Variants in ICA1L observed in about 807,000 individuals in gnomAD.
The protein encoded by ICA1L is islet cell autoantigen 1-like protein.
A neutral mutation model predicts 61.3 loss-of-function variants in ICA1L; 50 were observed. The observed-to-expected ratio is 0.82, with a 90% CI of 0.65 to 1.03. The LOEUF is 1.03. Among genes scored for constraint, ICA1L ranks in the 50% least tolerant of loss-of-function variants. ICA1L has a pLI of 0.00. For synonymous variants in ICA1L, 161 were observed against 191.3 expected, an observed-to-expected ratio of 0.84 and a Z score of 1.31; for missense variants, 508 against 556.7, an observed-to-expected ratio of 0.91 and a Z score of 0.88.
At position 202,852,800 on chromosome 2, in the gene ICA1L, T is replaced by G. The variant is rs535675018; in HGVS notation, c.-8+18819A>C. 1.1e-4 allele frequency among the ~76,000 whole-genome samples: 16 copies of G among 151,096 alleles called. No homozygotes were observed. The East Asian group carries it at 3.2e-3, about 30-fold the overall frequency. On this transcript the variant is annotated intron_variant, in intron 1 of 12. Coordinates refer to ENST00000358299, the MANE Select transcript of ICA1L (RefSeq NM_001288622.3). Reference sequence around the variant, plus strand: ...GATGGTATCTCATTGTGGTTTTCATTTGCATTTCTCTGATGGCCAGTGATG... The same window carrying G: ...GATGGTATCTCATTGTGGTTTTCATGTGCATTTCTCTGATGGCCAGTGATG...
At position 202,777,842 on chromosome 2, in the gene ICA1L, A is replaced by G. The variant is rs1692272187; in HGVS notation, c.*1691T>C. 6.6e-6 allele frequency: 1 copy of G among 151,136 alleles called. No individual in the cohort carries two copies. The highest frequency in any genetic ancestry group is 1.5e-5 in the Non-Finnish European group (1 of 67,936). 9.4% of individuals were successfully genotyped at this position (151,136 alleles called of 1,614,324 possible). On this transcript the variant is annotated 3_prime_UTR_variant, in exon 13 of 13. Transcript: ENST00000358299. ...CTGTTTAGAATAGAACTAAGAGCAC[A>G]TGGAAGCTACTGTGAATAACTTAGT...
chr2:202,815,831 TAAAAAA>T, intron 7 of ICA1L, 74 bp downstream of exon 7: 1 of 696,146 alleles, frequency 1.4e-6, no homozygotes, highest in Admixed American at 3.5e-5. Flanking sequence ...TAACCTTGGT[TAAAAAA>T]AAAAAAAGTT....
At chr2:202,788,537 T>C (rs1692655565) in intron 11 of ICA1L, among the ~76,000 whole-genome samples, 1 of 152,050 alleles carries the variant, frequency 6.6e-6, no homozygotes, top group Non-Finnish European at 1.5e-5. Context: ...TTGACTGCCC[T>C]AGGTAGGAGT....
intron 1 of ICA1L, among the ~76,000 whole-genome samples, chr2:202,846,264 T>TTTTC (rs1489704224): frequency 6.6e-6 from 1 of 152,118 alleles, no homozygotes; most frequent in Non-Finnish European, 1.5e-5. Context: ...TTCTTTTTTT[T>TTTTC]TTAGACAAGA....
chr2:202,779,672 A>G (rs773726575), intron 12 of ICA1L, 24 bp from the exon 13 acceptor site: 1 of 1,285,846 alleles, frequency 7.8e-7, no homozygotes, highest in South Asian at 1.3e-5. Flanking sequence ...AAAAAAATAC[A>G]TTAAAGAGAT....
At chr2:202,861,881 C>CT (rs1694925321) in intron 1 of ICA1L, among the ~76,000 whole-genome samples, 1 of 73,208 alleles carries the variant, frequency 1.4e-5, no homozygotes, top group African/African-American at 4.6e-5. Context: ...GAGATTCAGA[C>CT]TCAAAAAAAA....
chr2:202,812,380 C>A (rs531214919), intron 8 of ICA1L, among the ~76,000 whole-genome samples: 2 of 152,110 alleles, frequency 1.3e-5, no homozygotes, highest in African/African-American at 4.8e-5. Context: ...AATTCGAGAC[C>A]AGCCTGACCA....
In ICA1L at chr2:202,841,719, G is replaced by T. The variant is rs533606445; in HGVS notation, c.-7-12703C>A. ...GCATAGGAGCAGTTGCCGAAGGCCT[G>T]GGGGCCAGAGGACCACCTCTGGTGG... On this transcript the variant is annotated intron_variant, in intron 1 of 12. Coordinates refer to ENST00000358299, the MANE Select transcript of ICA1L (RefSeq NM_001288622.3). The T allele has an allele frequency of 2.9e-5, 15 of 509,236 alleles. No individual in the cohort carries two copies. The East Asian group carries it at 7.9e-4, about 27-fold the overall frequency. 31.5% of individuals were successfully genotyped at this position (509,236 alleles called of 1,614,324 possible).
chr2:202,841,706 T>C, intron 1 of ICA1L: 1 of 523,546 alleles, frequency 1.9e-6, no homozygotes, highest in Non-Finnish European at 3.7e-6. Flanking sequence ...ATAGGAGCAG[T>C]TGCCGAAGGC....
At position 202,777,965 on chromosome 2, in the gene ICA1L, C is replaced by T. The variant is rs1221843370; in HGVS notation, c.*1568G>A. On this transcript the variant is annotated 3_prime_UTR_variant, in exon 13 of 13. Coordinates refer to ENST00000358299, the MANE Select transcript of ICA1L (RefSeq NM_001288622.3). Reference sequence around the variant, plus strand: ...GCGCCATCTCAGCTCACTGCAAGCTCCGCCTCCCGGGTTCACGCCATTCTC... The same window carrying T: ...GCGCCATCTCAGCTCACTGCAAGCTTCGCCTCCCGGGTTCACGCCATTCTC... 1.3e-5 allele frequency: 2 copies of T among 149,876 alleles called. No homozygotes were observed. The highest frequency in any genetic ancestry group is 5.0e-5 in the African/African-American group (2 of 40,330). 9.3% of individuals were successfully genotyped at this position (149,876 alleles called of 1,614,324 possible).
rs769919311 is a variant in ICA1L at position 202,849,422 on chromosome 2, T to A, written c.-7-20406A>T. On this transcript the variant is annotated intron_variant, in intron 1 of 12. Transcript: ENST00000358299. This position sits in a 1 kb window ranked among gnomAD's most constrained non-coding sequence, Gnocchi z 4.5. The stretch of plus-strand genomic sequence containing the variant: ...TGCCAGCACAGCAGTCTGAAGTTGA[T>A]CTGGGACGATCAAGCTTGGTGGGGG... Among the ~76,000 whole-genome samples the A allele has an allele frequency of 1.3e-5, 2 of 152,164 alleles. No individual in the cohort carries two copies. The highest frequency in any genetic ancestry group is 4.8e-5 in the African/African-American group (2 of 41,426).
At chr2:202,791,826 CAA>C (rs972134851) in intron 10 of ICA1L, among the ~76,000 whole-genome samples, 30 of 152,046 alleles carry the variant, frequency 2.0e-4, no homozygotes, top group Non-Finnish European at 4.1e-4. Context: ...GCCTGGGCAA[CAA>C]GAGCAAAACT....
intron 11 of ICA1L, among the ~76,000 whole-genome samples, chr2:202,787,837 C>T (rs1215599665): frequency 1.3e-5 from 2 of 152,148 alleles, no homozygotes; most frequent in Admixed American, 6.5e-5. Flanking sequence ...AAGCAAAGCA[C>T]CACGGGAGGA....
rs1440782239 is a variant in ICA1L at position 202,815,894 on chromosome 2, C to T, written c.783+17G>A. 2 of 1,466,818 alleles carry T rather than the reference C, an allele frequency of 1.4e-6. No homozygotes were observed. The highest frequency in any genetic ancestry group is 4.5e-5 in the Admixed American group (2 of 44,074). 90.9% of individuals were successfully genotyped at this position (1,466,818 alleles called of 1,614,324 possible). On this transcript the variant is annotated intron_variant, in intron 7 of 12. Coordinates refer to ENST00000358299, the MANE Select transcript of ICA1L (RefSeq NM_001288622.3). ...AGAGTAATACATCTAAACAAGAGAA[C>T]ATGGAACACAATGTACCTTGAGAGC...
At position 202,774,327 on chromosome 2, in the gene ICA1L, G is replaced by T. The variant is rs1692149884; in HGVS notation, c.*5206C>A. On this transcript the variant is annotated 3_prime_UTR_variant, in exon 13 of 13. Transcript: ENST00000358299. ...GACGGCGGCGCGCGCGTTCCCCGCAGCGCTGAGGCGAGCCTGCCGCGCGCT... is the reference window on the plus strand; with the variant it reads ...GACGGCGGCGCGCGCGTTCCCCGCATCGCTGAGGCGAGCCTGCCGCGCGCT... 4 of 1,435,080 alleles carry T rather than the reference G, an allele frequency of 2.8e-6. No homozygotes were observed. The highest frequency in any genetic ancestry group is 5.5e-5 in the East Asian group (2 of 36,318). 88.9% of individuals were successfully genotyped at this position (1,435,080 alleles called of 1,614,324 possible).
chr2:202,785,459 C>T (rs1236344066), intron 12 of ICA1L, among the ~76,000 whole-genome samples: 2 of 152,134 alleles, frequency 1.3e-5, no homozygotes, highest in Non-Finnish European at 2.9e-5. Flanking sequence ...TGCTCTGTCG[C>T]CCAGGCTGGA....
chr2:202,840,535 G>A, intron 1 of ICA1L: 1 of 548,444 alleles, frequency 1.8e-6, no homozygotes. Flanking sequence ...CATAGCCACT[G>A]GTGGTCTTCA....
In ICA1L at chr2:202,777,835, A is replaced by AG. The variant is rs1559122969; in HGVS notation, c.*1697dup. 1 of 152,038 alleles carries AG rather than the reference A, an allele frequency of 6.6e-6. No individual in the cohort carries two copies. Among genetic ancestry groups the AG allele is most frequent in the Non-Finnish European group, 1.5e-5 (1 of 68,072 alleles). The allele number at this position is 152,038 out of a possible 1,614,324, so 9.4% of individuals were successfully genotyped here. A position where few individuals can be genotyped will look rare whatever the true frequency, so the allele number is the denominator to read the frequency against. On this transcript the variant is annotated 3_prime_UTR_variant, in exon 13 of 13. Transcript: ENST00000358299. ...AATAAGCCTGTTTAGAATAGAACTA[A>AG]GAGCACATGGAAGCTACTGTGAATA...
intron 8 of ICA1L, among the ~76,000 whole-genome samples, chr2:202,813,096 T>TA (rs1693426875): frequency 6.6e-6 from 1 of 151,876 alleles, no homozygotes; most frequent in Non-Finnish European, 1.5e-5. Context: ...CCATCTCTAC[T>TA]AAAAAATACA....
Sources: allele counts gnomAD v4.1 joint callset (sites outside exome capture counted in the v4.1 genomes callset), GRCh38; gene constraint gnomAD v4.1.1; non-coding constraint Gnocchi (gnomAD v3.1); transcripts MANE v1.5; gene names NCBI Gene and HGNC (gene_info 2026-07-23, HGNC 2026-07-21).